Variants in GALNTL6 observed in about 807,000 individuals in gnomAD.
The protein encoded by GALNTL6 is polypeptide N-acetylgalactosaminyltransferase-like 6.
GALNTL6 carries 46 observed loss-of-function variants against 73.7 expected under a neutral mutation model. The ratio of observed to expected loss-of-function variants is 0.62; its 90% CI spans 0.49 to 0.80. The LOEUF (loss-of-function observed/expected upper bound fraction) is 0.80, where lower values mean the gene tolerates loss of function less well. Among genes scored for constraint, GALNTL6 ranks in the 30% least tolerant of loss-of-function variants. The probability of loss-of-function intolerance (pLI) is 0.00; values close to 1 mark genes in which losing one functional copy is unlikely to be tolerated. For synonymous variants in GALNTL6, 259 were observed against 263.7 expected (o/e 0.98, Z 0.17); for missense variants, 604 against 755.0 (o/e 0.80, Z 2.34).
intron 10 of GALNTL6, among the ~76,000 whole-genome samples, chr4:173,006,917 C>T (rs1459525127): frequency 1.3e-5 from 2 of 152,178 alleles, no homozygotes; most frequent in Admixed American, 1.3e-4. Flanking sequence ...GAACTGTTCC[C>T]CTGTACTCTG....
chr4:172,391,156 G>T (rs1304664517), intron 5 of GALNTL6, among the ~76,000 whole-genome samples: 1 of 152,184 alleles, frequency 6.6e-6, no homozygotes, highest in Non-Finnish European at 1.5e-5. Context: ...ACCACAGACT[G>T]AATAATTTAT....
intron 5 of GALNTL6, among the ~76,000 whole-genome samples, chr4:172,787,648 T>C (rs943402369): frequency 6.6e-6 from 1 of 152,148 alleles, no homozygotes; most frequent in Non-Finnish European, 1.5e-5. Flanking sequence ...CTTCAGTCCA[T>C]AGGGGGCTGA....
chr4:172,345,472 G>A (rs939429186), intron 4 of GALNTL6, among the ~76,000 whole-genome samples: 2 of 152,156 alleles, frequency 1.3e-5, no homozygotes, highest in African/African-American at 4.8e-5. Context: ...GCTGAAAGAA[G>A]TAATGAAATG....
At chr4:171,887,917 T>C (rs1736649194) in intron 2 of GALNTL6, among the ~76,000 whole-genome samples, 1 of 152,214 alleles carries the variant, frequency 6.6e-6, no homozygotes, top group Non-Finnish European at 1.5e-5. Context: ...AATAAGGTCA[T>C]AGTATACCTA....
At chr4:171,970,855 G>A (rs924891379) in intron 2 of GALNTL6, among the ~76,000 whole-genome samples, 1 of 152,152 alleles carries the variant, frequency 6.6e-6, no homozygotes, top group African/African-American at 2.4e-5. Flanking sequence ...TTTAAAAAAA[G>A]TTTCGGAGCT....
intron 3 of GALNTL6, among the ~76,000 whole-genome samples, chr4:172,233,205 CA>C (rs35723958): frequency 0.016 from 1,704 of 104,688 alleles, 27 homozygotes; most frequent in African/African-American, 0.05. Context: ...CTCATCTCTC[CA>C]AAAAAAAAAA....
chr4:172,082,465 T>C (rs1312652857), intron 2 of GALNTL6, among the ~76,000 whole-genome samples: 1 of 152,036 alleles, frequency 6.6e-6, no homozygotes, highest in Non-Finnish European at 1.5e-5. Flanking sequence ...CCTGCAGTTA[T>C]AGATGAGATT....
At chr4:172,409,276 A>T (rs1744348969) in intron 5 of GALNTL6, among the ~76,000 whole-genome samples, 1 of 152,052 alleles carries the variant, frequency 6.6e-6, no homozygotes, top group African/African-American at 2.4e-5. Context: ...TATTGATGCT[A>T]CTAGTAACAA....
At chr4:172,660,921 T>G (rs1485839095) in intron 5 of GALNTL6, among the ~76,000 whole-genome samples, 1 of 152,218 alleles carries the variant, frequency 6.6e-6, no homozygotes, top group Non-Finnish European at 1.5e-5. Context: ...AAATGAATAT[T>G]AAACTGACCT....
At chr4:172,206,053 A>AAT (rs199997288) in intron 2 of GALNTL6, among the ~76,000 whole-genome samples, 4,474 of 152,084 alleles carry the variant, frequency 0.029, 119 homozygotes, top group East Asian at 0.04. Context: ...TATTTATATA[A>AAT]ATATATATAT....
chr4:172,449,988 G>A (rs1732153325), intron 5 of GALNTL6, among the ~76,000 whole-genome samples: 1 of 152,132 alleles, frequency 6.6e-6, no homozygotes, highest in African/African-American at 2.4e-5. Context: ...GGAGGCCGAG[G>A]GGTTGGATCA....
At chr4:172,325,943 C>G (rs1167721140) in intron 4 of GALNTL6, among the ~76,000 whole-genome samples, 2 of 151,688 alleles carry the variant, frequency 1.3e-5, no homozygotes, top group African/African-American at 4.8e-5. Flanking sequence ...AAATATTTAT[C>G]GAAACAGACC....
intron 5 of GALNTL6, among the ~76,000 whole-genome samples, chr4:172,487,370 CTTTTCTTT>C (rs1403053932): frequency 1.6e-5 from 2 of 122,220 alleles, no homozygotes; most frequent in African/African-American, 6.1e-5. Context: ...TTCTTTCCTT[CTTTTCTTT>C]TCTTTTCTTT....
intron 2 of GALNTL6, among the ~76,000 whole-genome samples, chr4:171,910,678 A>G (rs6814915): frequency 0.035 from 5,327 of 152,206 alleles, 289 homozygotes; most frequent in African/African-American, 0.12. Context: ...ACAAGCTGGA[A>G]CAAACATTAT....
intron 5 of GALNTL6, among the ~76,000 whole-genome samples, chr4:172,617,644 T>TA (rs1183556127): frequency 6.9e-6 from 1 of 145,690 alleles, no homozygotes; most frequent in African/African-American, 2.5e-5. Context: ...GCCCAGCTAA[T>TA]TTTTTTTTTT....
At chr4:172,016,761 T>C (rs1471782130) in intron 2 of GALNTL6, among the ~76,000 whole-genome samples, 4 of 72,466 alleles carry the variant, frequency 5.5e-5, no homozygotes, top group African/African-American at 1.5e-4. Flanking sequence ...TTTAATTTAA[T>C]TTTTTTATCC....
chr4:171,856,403 C>G (rs1454602182), intron 2 of GALNTL6, among the ~76,000 whole-genome samples: 1 of 152,076 alleles, frequency 6.6e-6, no homozygotes, highest in East Asian at 1.9e-4. Flanking sequence ...ATGTGAGCCA[C>G]CCCACCCTGC....
intron 2 of GALNTL6, among the ~76,000 whole-genome samples, chr4:171,917,234 A>G (rs1427018131): frequency 1.3e-5 from 2 of 151,912 alleles, no homozygotes; most frequent in African/African-American, 4.8e-5. Flanking sequence ...AGACATATCT[A>G]TTGTCCCTTT....
chr4:172,378,232 A>AC (rs1408178182), intron 5 of GALNTL6, among the ~76,000 whole-genome samples: 1 of 152,214 alleles, frequency 6.6e-6, no homozygotes, highest in Non-Finnish European at 1.5e-5. Context: ...TGTGAAAGCA[A>AC]CACTTGGCAG....
Sources: gnomAD v4.1 joint callset for allele counts (sites outside exome capture counted in the v4.1 genomes callset) on GRCh38, gnomAD v4.1.1 for gene constraint, MANE v1.5 for transcripts, NCBI Gene and HGNC (gene_info 2026-07-23, HGNC 2026-07-21) for gene names.